SULF1: variants seen among roughly 807,000 people sequenced by gnomAD.
The protein encoded by SULF1 is extracellular sulfatase Sulf-1.
Under a neutral mutation model 110.5 loss-of-function variants are expected in SULF1, and 46 were observed. The observed-to-expected ratio is 0.42, with a 90% CI of 0.33 to 0.53. The LOEUF (loss-of-function observed/expected upper bound fraction) is 0.53, where lower values mean the gene tolerates loss of function less well. Among genes scored for constraint, SULF1 ranks in the 20% least tolerant of loss-of-function variants. The pLI is 0.12. For synonymous variants in SULF1, 371 were observed against 387.1 expected (o/e 0.96, Z 0.49); for missense variants, 941 against 1,094.2 (o/e 0.86, Z 1.98).
At chr8:69,627,136 T>G (rs1014725435) in intron 15 of SULF1, 74 bp from the exon 16 acceptor site, 12 of 1,157,464 alleles carry the variant, frequency 1.0e-5, no homozygotes, top group Admixed American at 9.7e-5. Context: ...GATTAAAATT[T>G]CTCTTTGTTA....
At chr8:69,523,620 G>C (rs1419515321) in intron 3 of SULF1, among the ~76,000 whole-genome samples, 1 of 151,998 alleles carries the variant, frequency 6.6e-6, no homozygotes, top group Non-Finnish European at 1.5e-5. Context: ...GTGAGAGAGG[G>C]GGAAGGAGGT....
intron 3 of SULF1, among the ~76,000 whole-genome samples, chr8:69,556,352 C>G (rs1815117115): frequency 6.6e-6 from 1 of 152,130 alleles, no homozygotes; most frequent in South Asian, 2.1e-4. Context: ...CAGGTTGAAG[C>G]CCTGAAAAGC....
intron 13 of SULF1, among the ~76,000 whole-genome samples, chr8:69,619,339 A>C (rs1394314535): frequency 1.3e-5 from 2 of 152,238 alleles, no homozygotes; most frequent in Non-Finnish European, 2.9e-5. Context: ...TGGCCAACTT[A>C]AAATTAAATA....
At chr8:69,590,696 A>C (rs1052935998) in intron 8 of SULF1, among the ~76,000 whole-genome samples, 1 of 152,222 alleles carries the variant, frequency 6.6e-6, no homozygotes, top group Admixed American at 6.5e-5. Flanking sequence ...TCGACAAATC[A>C]TGAAGGTTGC....
intron 1 of SULF1, among the ~76,000 whole-genome samples, chr8:69,471,139 G>A (rs2150529822): frequency 6.6e-6 from 1 of 152,230 alleles, no homozygotes; most frequent in East Asian, 1.9e-4. Context: ...GTTGACCACT[G>A]GTTATCTATG....
At chr8:69,470,249 T>C (rs937457652) in intron 1 of SULF1, among the ~76,000 whole-genome samples, 1 of 152,112 alleles carries the variant, frequency 6.6e-6, no homozygotes, top group African/African-American at 2.4e-5. Context: ...TCTAAATAGA[T>C]GGTCGCTTTT....
chr8:69,484,673 G>A (rs1250941441), intron 1 of SULF1, among the ~76,000 whole-genome samples: 1 of 152,046 alleles, frequency 6.6e-6, no homozygotes, highest in Non-Finnish European at 1.5e-5. Context: ...ATGACAAAAA[G>A]TGATGCCCAG....
intron 3 of SULF1, among the ~76,000 whole-genome samples, chr8:69,510,673 G>A (rs1811496205): frequency 6.7e-6 from 1 of 149,238 alleles, no homozygotes. Flanking sequence ...CTGCAGTGCA[G>A]TCGTGTGATC....
intron 3 of SULF1, among the ~76,000 whole-genome samples, chr8:69,535,156 C>T (rs532908238): frequency 6.6e-6 from 1 of 152,292 alleles, no homozygotes; most frequent in East Asian, 1.9e-4. Flanking sequence ...CTGTTTCCTT[C>T]CCTATCTCGC....
intron 3 of SULF1, among the ~76,000 whole-genome samples, chr8:69,546,872 G>A (rs1399016255): frequency 2.6e-5 from 4 of 152,142 alleles, no homozygotes; most frequent in African/African-American, 9.7e-5. Flanking sequence ...ATTTTTACTG[G>A]TTGGTGGGTT....
At chr8:69,641,809 A>T (rs1811498515) in intron 22 of SULF1, among the ~76,000 whole-genome samples, 1 of 152,090 alleles carries the variant, frequency 6.6e-6, no homozygotes, top group Non-Finnish European at 1.5e-5. Context: ...CCAAGACAAC[A>T]CACAAACATT....
At chr8:69,575,834 T>C in intron 5 of SULF1, 136 bp from the exon 6 acceptor site, 2 of 1,056,544 alleles carry the variant, frequency 1.9e-6, no homozygotes, top group Non-Finnish European at 2.7e-6. Context: ...AAATGAGAGC[T>C]GATCAAATTA....
intron 9 of SULF1, among the ~76,000 whole-genome samples, chr8:69,601,246 T>C (rs1807782458): frequency 6.6e-6 from 1 of 152,246 alleles, no homozygotes; most frequent in Non-Finnish European, 1.5e-5. Context: ...AAACAAGACG[T>C]GCCTCAGGCT....
intron 1 of SULF1, among the ~76,000 whole-genome samples, chr8:69,475,582 T>C (rs1469829839): frequency 1.3e-5 from 2 of 151,962 alleles, no homozygotes; most frequent in African/African-American, 4.8e-5. Flanking sequence ...CACAGGGAAA[T>C]GGTGGCTCAA....
Position 69,555,950 on chromosome 8 carries a change from C to T in SULF1, c.-133-7589C>T, listed in dbSNP as rs184355925. On this transcript the variant is annotated intron_variant, in intron 3 of 22. Coordinates refer to ENST00000402687, the MANE Select transcript of SULF1 (RefSeq NM_001128205.2). ...TTTTTGCATTGCGCCAGATTATGTA[C>T]ATCAGGAAAACAGACTAAAACGAAA... Among the ~76,000 whole-genome samples, 32 of 152,222 alleles carry T rather than the reference C, an allele frequency of 2.1e-4. No homozygotes were observed. The Middle Eastern group carries it at 0.01, about 49-fold the overall frequency.
At chr8:69,554,858 G>A (rs1382968215) in intron 3 of SULF1, among the ~76,000 whole-genome samples, 2 of 151,154 alleles carry the variant, frequency 1.3e-5, no homozygotes, top group East Asian at 2.0e-4. Flanking sequence ...AGGCGCCTGT[G>A]GTCCCAGCTA....
At position 69,659,477 on chromosome 8, in the gene SULF1, G is replaced by A. The variant is rs372074006; in HGVS notation, c.*942G>A. On this transcript the variant is annotated 3_prime_UTR_variant, in exon 23 of 23. Transcript: ENST00000402687. ...GCATGTGAGCAAGCGGTGTGCACACGGAGACTCATCGTTATAATTTACTAT... is the reference window on the plus strand; with the variant it reads ...GCATGTGAGCAAGCGGTGTGCACACAGAGACTCATCGTTATAATTTACTAT... 9.9e-5 allele frequency: 28 copies of A among 283,376 alleles called. No individual in the cohort carries two copies. Among genetic ancestry groups the A allele is most frequent in the East Asian group, 3.8e-4 (4 of 10,488 alleles). The allele number at this position is 283,376 out of a possible 1,614,324, so 17.6% of individuals were successfully genotyped here.
At chr8:69,589,392 G>A (rs535051642) in intron 8 of SULF1, among the ~76,000 whole-genome samples, 1 of 152,332 alleles carries the variant, frequency 6.6e-6, no homozygotes, top group East Asian at 1.9e-4. Context: ...AGGAAGAGAT[G>A]CACATAGAGT....
At chr8:69,572,904 T>G (rs1805335731) in intron 5 of SULF1, among the ~76,000 whole-genome samples, 1 of 152,232 alleles carries the variant, frequency 6.6e-6, no homozygotes. Context: ...CTTGGCTCAC[T>G]GCAACCTCTG....
Sources: allele counts gnomAD v4.1 joint callset (sites outside exome capture counted in the v4.1 genomes callset), GRCh38; gene constraint gnomAD v4.1.1; transcripts MANE v1.5; gene names NCBI Gene and HGNC (gene_info 2026-07-23, HGNC 2026-07-21).